Variants in WDR59 observed in about 807,000 individuals in gnomAD.
WDR59 encodes the protein GATOR2 complex protein WDR59.
WDR59 carries 100 observed loss-of-function variants against 131.2 expected under a neutral mutation model. The ratio of observed to expected loss-of-function variants is 0.76; its 90% CI spans 0.65 to 0.90. WDR59 has a LOEUF of 0.90. Ranked by LOEUF, WDR59 falls within the 40% of genes least tolerant of loss-of-function variation. The pLI is 0.00. For missense variants in WDR59, 1,203 were observed against 1,262.2 expected, an observed-to-expected ratio of 0.95 and a Z score of 0.71; for synonymous variants, 601 against 466.2, an observed-to-expected ratio of 1.29 and a Z score of -3.72.
At chr16:74,926,150 C>A (rs1162856406) in intron 8 of WDR59, among the ~76,000 whole-genome samples, 1 of 146,458 alleles carries the variant, frequency 6.8e-6, no homozygotes, top group African/African-American at 2.5e-5. Context: ...ACCTCCGCCT[C>A]CCAGGTTCAA....
intron 8 of WDR59, among the ~76,000 whole-genome samples, chr16:74,927,908 CT>C (rs539167503): frequency 1.6e-3 from 198 of 124,482 alleles, no homozygotes; most frequent in East Asian, 9.9e-3. Flanking sequence ...TTCTTTCTTT[CT>C]TTTTTTTTTT....
chr16:74,898,560 T>C (rs570569844), intron 18 of WDR59, among the ~76,000 whole-genome samples: 1 of 151,424 alleles, frequency 6.6e-6, no homozygotes, highest in South Asian at 2.1e-4. Context: ...GGGGTGGGGG[T>C]TGGGGGGCAG....
chr16:74,889,426 C>T (rs1040552632), intron 21 of WDR59, among the ~76,000 whole-genome samples: 4 of 152,140 alleles, frequency 2.6e-5, no homozygotes, highest in Non-Finnish European at 5.9e-5. Flanking sequence ...TGTATTCAGA[C>T]TGATGTGATT....
chr16:74,982,826 G>A (rs556905574), intron 1 of WDR59, among the ~76,000 whole-genome samples: 2 of 152,128 alleles, frequency 1.3e-5, no homozygotes, highest in Non-Finnish European at 2.9e-5. Flanking sequence ...GAGCAAAATG[G>A]TGGGTAGCTC....
chr16:74,885,508 G>T, intron 25 of WDR59, 145 bp downstream of exon 25: 3 of 617,446 alleles, frequency 4.9e-6, no homozygotes, highest in Non-Finnish European at 7.0e-6. Context: ...GGGCTTTTCA[G>T]ATGCTTGGAA....
chr16:74,892,367 A>C (rs1466267699), intron 20 of WDR59, 117 bp downstream of exon 20: 2 of 927,940 alleles, frequency 2.2e-6, no homozygotes, highest in African/African-American at 3.3e-5. Flanking sequence ...GAAAATGGAA[A>C]ATGAATTCCA....
intron 17 of WDR59, among the ~76,000 whole-genome samples, chr16:74,906,019 A>G (rs541976018): frequency 1.3e-5 from 2 of 152,058 alleles, no homozygotes; most frequent in Non-Finnish European, 2.9e-5. Context: ...TGCAAATTAA[A>G]ACCACAGTGA....
intron 17 of WDR59, among the ~76,000 whole-genome samples, chr16:74,906,820 G>C (rs926777116): frequency 1.3e-5 from 2 of 152,166 alleles, no homozygotes; most frequent in Admixed American, 6.5e-5. Context: ...TCAAGAGAGT[G>C]GTGTCCTCTG....
chr16:74,946,873 G>C (rs973572608), intron 6 of WDR59, among the ~76,000 whole-genome samples: 1 of 152,160 alleles, frequency 6.6e-6, no homozygotes. Flanking sequence ...CCATTTCAGA[G>C]CAAACACCAA....
rs116177974 is a variant in WDR59 at position 74,937,971 on chromosome 16, C to G, written c.651+179G>C. 4.2e-3 allele frequency among the ~76,000 whole-genome samples: 636 copies of G among 152,348 alleles called. 7 individuals carry two copies. The highest frequency in any genetic ancestry group is 0.015 in the African/African-American group (608 of 41,578). On this transcript the variant is annotated intron_variant, in intron 8 of 25. Transcript: ENST00000262144. ...CTGAACAGCACCATGCTGGGTCTCG[C>G]TCTGTCGCATTTTGCTGGTCAGCAT...
intron 10 of WDR59, among the ~76,000 whole-genome samples, chr16:74,918,863 C>T (rs1015671815): frequency 1.3e-5 from 2 of 152,114 alleles, no homozygotes; most frequent in African/African-American, 2.4e-5. Context: ...CTTATTGGTT[C>T]CTTCTCTGCA....
chr16:74,948,936 T>G (rs1172382299), intron 5 of WDR59, among the ~76,000 whole-genome samples: 1 of 152,034 alleles, frequency 6.6e-6, no homozygotes, highest in East Asian at 1.9e-4. Context: ...AGGCAGAGGT[T>G]GCAGTGAGCC....
intron 18 of WDR59, chr16:74,899,685 C>G (rs1965455470): frequency 7.8e-7 from 1 of 1,289,012 alleles, no homozygotes; most frequent in African/African-American, 1.5e-5. Flanking sequence ...AGCATTTGCA[C>G]AGCGCACAGT....
At chr16:74,927,180 A>G (rs1251590347) in intron 8 of WDR59, among the ~76,000 whole-genome samples, 1 of 152,218 alleles carries the variant, frequency 6.6e-6, no homozygotes, top group African/African-American at 2.4e-5. Flanking sequence ...AAAATTAATG[A>G]TTTAGATTGA....
chr16:74,876,551 TTG>T (rs1327671624), intron 25 of WDR59, among the ~76,000 whole-genome samples: 1 of 152,218 alleles, frequency 6.6e-6, no homozygotes, highest in Non-Finnish European at 1.5e-5. Context: ...TCATTAATAA[TTG>T]TGTTTCTCTA....
intron 1 of WDR59, among the ~76,000 whole-genome samples, chr16:74,977,650 T>C (rs374112884): frequency 3.0e-4 from 45 of 152,206 alleles, no homozygotes; most frequent in African/African-American, 9.4e-4. Flanking sequence ...ATCGTGCCAC[T>C]GCACTCCAGC....
Position 74,889,789 on chromosome 16 carries a change from T to C in WDR59, c.2109A>G (p.Thr703=). ...VQVWSLATVA[T]DLCLGPKSDP... Reference sequence around the variant, plus strand: ...CAGATTTCGGACCAAGGCAAAGATCTGTAGCTACCGTAGCCAGCGACCAAA... The same window carrying C: ...CAGATTTCGGACCAAGGCAAAGATCCGTAGCTACCGTAGCCAGCGACCAAA... Residue 703 remains threonine (T), a synonymous_variant, in exon 21 of 26, where the codon ACA becomes ACG. Coordinates refer to ENST00000262144, the MANE Select transcript of WDR59 (RefSeq NM_030581.4). 1 of 1,614,154 alleles carries C rather than the reference T, an allele frequency of 6.2e-7. No homozygotes were observed. The highest frequency in any genetic ancestry group is 1.1e-5 in the South Asian group (1 of 91,070).
intron 14 of WDR59, 111 bp downstream of exon 14, chr16:74,912,087 C>A (rs1014130021): frequency 6.9e-7 from 1 of 1,455,596 alleles, no homozygotes; most frequent in African/African-American, 1.4e-5. Flanking sequence ...AGTGTGTGTA[C>A]GAAACAGATG....
chr16:74,906,528 C>T (rs1259082003), intron 17 of WDR59, among the ~76,000 whole-genome samples: 1 of 151,982 alleles, frequency 6.6e-6, no homozygotes, highest in African/African-American at 2.4e-5. Flanking sequence ...AGGAATTCTG[C>T]TCCTCAGGTG....
Sources: gnomAD v4.1 joint callset for allele counts (sites outside exome capture counted in the v4.1 genomes callset) on GRCh38, gnomAD v4.1.1 for gene constraint, MANE v1.5 for transcripts, NCBI Gene and HGNC (gene_info 2026-07-23, HGNC 2026-07-21) for gene names.